NDST4: variants seen among roughly 807,000 people sequenced by gnomAD.
NDST4 encodes N-deacetylase and N-sulfotransferase 4.
In NDST4, 63 loss-of-function variants were observed where a neutral mutation model predicts 100.8. The observed-to-expected ratio is 0.62, with a 90% CI of 0.51 to 0.77. The LOEUF (loss-of-function observed/expected upper bound fraction) is 0.77, where lower values mean the gene tolerates loss of function less well. NDST4 is among the 30% of genes least tolerant of loss of function. The probability of loss-of-function intolerance (pLI) is 0.00; values close to 1 mark genes in which losing one functional copy is unlikely to be tolerated. For synonymous variants in NDST4, 377 were observed against 361.8 expected (o/e 1.04, Z -0.48); for missense variants, 943 against 1,018.4 (o/e 0.93, Z 1.01).
chr4:115,000,625 C>T (rs530168976), intron 2 of NDST4, among the ~76,000 whole-genome samples: 1 of 152,060 alleles, frequency 6.6e-6, no homozygotes, highest in Non-Finnish European at 1.5e-5. Context: ...GTCCATAATC[C>T]TTGATATGAC....
intron 2 of NDST4, among the ~76,000 whole-genome samples, chr4:114,991,343 G>A (rs1727035706): frequency 1.3e-5 from 2 of 152,092 alleles, no homozygotes; most frequent in Non-Finnish European, 2.9e-5. Flanking sequence ...CACTGCAGGA[G>A]CAAGACTCCT....
At chr4:114,880,294 A>G (rs372333401) in intron 6 of NDST4, among the ~76,000 whole-genome samples, 8 of 152,182 alleles carry the variant, frequency 5.3e-5, no homozygotes, top group African/African-American at 1.9e-4. Flanking sequence ...TGGCAATTAC[A>G]TTTTAGAATA....
intron 6 of NDST4, among the ~76,000 whole-genome samples, chr4:114,882,076 A>G (rs574040061): frequency 9.9e-5 from 15 of 152,182 alleles, no homozygotes; most frequent in Admixed American, 6.6e-4. Context: ...AGAAGAAAAA[A>G]AGGATCAAAA....
intron 3 of NDST4, 69 bp from the exon 4 acceptor site, chr4:114,970,653 G>T: frequency 1.5e-6 from 2 of 1,365,056 alleles, no homozygotes; most frequent in Non-Finnish European, 2.0e-6. Context: ...ATTTTTGTCA[G>T]ATTTATGTTA....
At chr4:114,936,162 GAAGGTAAAGGA>G (rs1443270252) in intron 5 of NDST4, among the ~76,000 whole-genome samples, 1 of 152,008 alleles carries the variant, frequency 6.6e-6, no homozygotes, top group Non-Finnish European at 1.5e-5. Flanking sequence ...TTTAGATACA[GAAGGTAAAGGA>G]AAGGTAAAGG....
chr4:114,966,779 T>C (rs139050415), intron 4 of NDST4, among the ~76,000 whole-genome samples: 3,019 of 152,258 alleles, frequency 0.02, 42 homozygotes, highest in Non-Finnish European at 0.031. Flanking sequence ...TGTGGACCGA[T>C]GTAATCCACA....
At chr4:114,907,542 T>C (rs1724978126) in intron 6 of NDST4, among the ~76,000 whole-genome samples, 1 of 152,164 alleles carries the variant, frequency 6.6e-6, no homozygotes, top group Non-Finnish European at 1.5e-5. Flanking sequence ...TTATAAGCAA[T>C]AAGCCACATT....
intron 2 of NDST4, among the ~76,000 whole-genome samples, chr4:115,044,744 A>G (rs1045109839): frequency 9.9e-5 from 15 of 151,450 alleles, no homozygotes; most frequent in African/African-American, 3.4e-4. Flanking sequence ...AACATCAGAT[A>G]TTGGGGTTAC....
intron 6 of NDST4, among the ~76,000 whole-genome samples, chr4:114,929,101 CATCCATCCATCCATCTATCT>C (rs1408078689): frequency 0.017 from 2,150 of 128,478 alleles, 31 homozygotes; most frequent in Non-Finnish European, 0.026. Context: ...TCCATCCATC[CATCCATCCATCCATCTATCT>C]ATCTATCTAT....
chr4:115,062,529 T>A (rs73848373), intron 2 of NDST4, among the ~76,000 whole-genome samples: 1 of 151,954 alleles, frequency 6.6e-6, no homozygotes, highest in African/African-American at 2.4e-5. Flanking sequence ...ATGAATCAAA[T>A]ATCATCATTA....
intron 2 of NDST4, among the ~76,000 whole-genome samples, chr4:115,014,343 C>A (rs533411338): frequency 6.6e-6 from 1 of 152,102 alleles, no homozygotes; most frequent in African/African-American, 2.4e-5. Context: ...ACCTAACGAA[C>A]TTATGGGTAA....
intron 2 of NDST4, among the ~76,000 whole-genome samples, chr4:115,057,956 A>G (rs1308245808): frequency 3.3e-5 from 5 of 152,192 alleles, no homozygotes; most frequent in Admixed American, 3.3e-4. Context: ...AGGCAAATGT[A>G]AATATGTATA....
At chr4:115,002,898 ATAAAAAAGAATGAGT>A (rs1302184108) in intron 2 of NDST4, among the ~76,000 whole-genome samples, 4 of 152,216 alleles carry the variant, frequency 2.6e-5, no homozygotes, top group Non-Finnish European at 5.9e-5. Flanking sequence ...CTATGCAGCC[ATAAAAAAGAATGAGT>A]TTACATTCTT....
chr4:114,938,760 C>T (rs1233997321), intron 4 of NDST4, among the ~76,000 whole-genome samples: 1 of 152,192 alleles, frequency 6.6e-6, no homozygotes, highest in Non-Finnish European at 1.5e-5. Context: ...AAATTTTTCA[C>T]AAGTCTCCAT....
chr4:114,996,435 T>C (rs1727164401), intron 2 of NDST4, among the ~76,000 whole-genome samples: 1 of 152,126 alleles, frequency 6.6e-6, no homozygotes, highest in Non-Finnish European at 1.5e-5. Context: ...AAGAAAGAAC[T>C]AATACAGCAG....
chr4:115,015,556 G>A (rs1727657961), intron 2 of NDST4, among the ~76,000 whole-genome samples: 1 of 151,974 alleles, frequency 6.6e-6, no homozygotes, highest in South Asian at 2.1e-4. Flanking sequence ...AACAAATTTT[G>A]GGAAGAAGTA....
At chr4:114,887,969 A>G (rs1724513870) in intron 6 of NDST4, among the ~76,000 whole-genome samples, 1 of 152,048 alleles carries the variant, frequency 6.6e-6, no homozygotes, top group African/African-American at 2.4e-5. Context: ...TTGAGATGCT[A>G]AGGTGTGAGG....
chr4:115,102,367 A>G (rs1448851694), intron 1 of NDST4, among the ~76,000 whole-genome samples: 1 of 152,184 alleles, frequency 6.6e-6, no homozygotes, highest in Non-Finnish European at 1.5e-5. Context: ...AGGAGAGAGA[A>G]AAATGATTTT....
chr4:114,959,195 T>A (rs1726206021), intron 4 of NDST4, among the ~76,000 whole-genome samples: 1 of 152,192 alleles, frequency 6.6e-6, no homozygotes, highest in Admixed American at 6.5e-5. Context: ...TCTAGGAAGT[T>A]TCAAAATTTC....
Sources: gnomAD v4.1 joint callset for allele counts (sites outside exome capture counted in the v4.1 genomes callset) on GRCh38, gnomAD v4.1.1 for gene constraint, MANE v1.5 for transcripts, NCBI Gene and HGNC (gene_info 2026-07-23, HGNC 2026-07-21) for gene names.